DHRSX: variants seen among roughly 807,000 people sequenced by gnomAD.
DHRSX encodes the protein polyprenol dehydrogenase.
A neutral mutation model predicts 34.0 loss-of-function variants in DHRSX; 31 were observed. That is an observed-to-expected ratio of 0.91 (90% CI 0.69 to 1.23). The LOEUF is 1.23. Among genes scored for constraint, DHRSX ranks in the 50% most tolerant of loss-of-function variants. The pLI is 0.00. For synonymous variants in DHRSX, 201 were observed against 183.8 expected, an observed-to-expected ratio of 1.09 and a Z score of -0.76; for missense variants, 414 against 428.1, an observed-to-expected ratio of 0.97 and a Z score of 0.29.
chrX:2,283,067 A>T (rs1347689278), intron 4 of DHRSX, among the ~76,000 whole-genome samples: 1 of 151,478 alleles, frequency 6.6e-6, no homozygotes, highest in East Asian at 1.9e-4. Context: ...TTACAGAAAG[A>T]GAGAGAGAGA....
At chrX:2,414,581 T>C (rs1189801596) in intron 2 of DHRSX, among the ~76,000 whole-genome samples, 1 of 150,972 alleles carries the variant, frequency 6.6e-6, no homozygotes, top group South Asian at 2.1e-4. Flanking sequence ...TCCAACTAGA[T>C]CTCCTCATGA....
chrX:2,485,721 A>G (rs2044883853), intron 1 of DHRSX, among the ~76,000 whole-genome samples: 1 of 76,380 alleles, frequency 1.3e-5, no homozygotes, highest in African/African-American at 6.2e-5. Context: ...GAACGGAGAG[A>G]AGGAAGGGAG....
At chrX:2,390,480 A>G (rs187413750) in intron 3 of DHRSX, among the ~76,000 whole-genome samples, 1 of 152,174 alleles carries the variant, frequency 6.6e-6, no homozygotes, top group East Asian at 1.9e-4. Flanking sequence ...AAAAATACAC[A>G]TCACATAAAG....
chrX:2,223,758 T>C (rs1448867487), intron 6 of DHRSX, among the ~76,000 whole-genome samples: 1 of 152,224 alleles, frequency 6.6e-6, no homozygotes, highest in African/African-American at 2.4e-5. Flanking sequence ...GGCTGTGTTC[T>C]GCCCAATTTC....
At chrX:2,256,586 A>G (rs1439135407) in intron 5 of DHRSX, among the ~76,000 whole-genome samples, 4 of 152,130 alleles carry the variant, frequency 2.6e-5, no homozygotes, top group African/African-American at 9.7e-5. Flanking sequence ...TTATTTCACC[A>G]TGGGGATGAT....
At chrX:2,285,537 T>C (rs2041794188) in intron 4 of DHRSX, among the ~76,000 whole-genome samples, 1 of 151,892 alleles carries the variant, frequency 6.6e-6, no homozygotes. Flanking sequence ...GGAGTGGCTG[T>C]AAATACAGAT....
chrX:2,394,841 G>T (rs2043389273), intron 3 of DHRSX, among the ~76,000 whole-genome samples: 1 of 151,800 alleles, frequency 6.6e-6, no homozygotes, highest in African/African-American at 2.4e-5. Context: ...ACTCCAGCCT[G>T]GGCAACACAG....
intron 3 of DHRSX, among the ~76,000 whole-genome samples, chrX:2,356,364 G>C (rs745896668): frequency 7.2e-5 from 11 of 152,260 alleles, no homozygotes; most frequent in Non-Finnish European, 1.3e-4. Flanking sequence ...GACAAAGCAA[G>C]ACTCTGTCTC....
At chrX:2,438,734 C>A (rs1428535694) in intron 1 of DHRSX, among the ~76,000 whole-genome samples, 3 of 151,338 alleles carry the variant, frequency 2.0e-5, no homozygotes, top group Non-Finnish European at 4.4e-5. Context: ...TACTGGACTG[C>A]AGAGGAGAGG....
chrX:2,458,520 C>T (rs1309489617), intron 1 of DHRSX, among the ~76,000 whole-genome samples: 1 of 152,146 alleles, frequency 6.6e-6, no homozygotes, highest in African/African-American at 2.4e-5. Context: ...GAAATCCTAC[C>T]ATTTGCAGCA....
intron 1 of DHRSX, among the ~76,000 whole-genome samples, chrX:2,465,722 T>C (rs2044482278): frequency 6.6e-6 from 1 of 150,486 alleles, no homozygotes; most frequent in African/African-American, 2.5e-5. Flanking sequence ...GGCAGGAGAA[T>C]TGCTTGAACC....
chrX:2,235,122 A>C (rs1429670052), intron 6 of DHRSX, among the ~76,000 whole-genome samples: 2 of 152,186 alleles, frequency 1.3e-5, no homozygotes, highest in African/African-American at 4.8e-5. Context: ...ATTTTAATGG[A>C]AACAGAGCTT....
intron 3 of DHRSX, among the ~76,000 whole-genome samples, chrX:2,339,661 T>C (rs928108247): frequency 1.3e-5 from 2 of 152,092 alleles, no homozygotes; most frequent in Non-Finnish European, 2.9e-5. Flanking sequence ...ATTCCTGAGT[T>C]ACTTCACTTA....
At chrX:2,469,873 G>A (rs1294646834) in intron 1 of DHRSX, among the ~76,000 whole-genome samples, 2 of 152,174 alleles carry the variant, frequency 1.3e-5, no homozygotes, top group Admixed American at 6.6e-5. Context: ...AAAGAATGGT[G>A]TGCAGGATCC....
At position 2,442,263 on chromosome X, in the gene DHRSX, T is replaced by C. The variant is rs750339918; in HGVS notation, c.110-16959A>G. Among the ~76,000 whole-genome samples, 3 of 150,418 alleles carry C rather than the reference T, an allele frequency of 2.0e-5. No individual in the cohort carries two copies. The South Asian group carries it at 6.3e-4, about 32-fold the overall frequency. On this transcript the variant is annotated intron_variant, in intron 1 of 6. Transcript: ENST00000334651. ...GTCTCCATCCTCATCGTCTCCATGC[T>C]GAAGAAGCTGAGGAGGAGGAGGAGG... is the stretch of plus-strand genomic sequence containing the variant.
chrX:2,298,626 A>ACACG (rs2041971402), intron 3 of DHRSX, among the ~76,000 whole-genome samples: 8 of 97,326 alleles, frequency 8.2e-5, no homozygotes, highest in African/African-American at 2.4e-4. Flanking sequence ...ACACACACAC[A>ACACG]CACACACACA....
Position 2,243,785 on chromosome X carries a change from CCTGTTTTTTTT to C in DHRSX, c.597-566_597-556del, listed in dbSNP as rs1307569160. On this transcript the variant is annotated intron_variant, in intron 5 of 6. Transcript: ENST00000334651. ...ATTACAGGCAGGAGCCACTATGCTCCCTGTTTTTTTTTTTTTTTTTTTTTTTTTTTTTTTTT... is the reference window on the plus strand; with the variant it reads ...ATTACAGGCAGGAGCCACTATGCTCCTTTTTTTTTTTTTTTTTTTTTTTTT... Among the ~76,000 whole-genome samples the C allele has an allele frequency of 8.2e-3, 587 of 71,510 alleles. 31 individuals carry two copies. Among genetic ancestry groups the C allele is most frequent in the Middle Eastern group, 0.034 (3 of 88 alleles). The allele number at this position is 71,510 out of a possible 152,430, so 46.9% of individuals were successfully genotyped here.
chrX:2,497,111 G>A (rs2045304912), intron 1 of DHRSX, among the ~76,000 whole-genome samples: 1 of 152,056 alleles, frequency 6.6e-6, no homozygotes, highest in South Asian at 2.1e-4. Context: ...TCAAGGAATT[G>A]GAGGCCGGGG....
At chrX:2,284,124 A>G (rs1330179294) in intron 4 of DHRSX, among the ~76,000 whole-genome samples, 5 of 152,094 alleles carry the variant, frequency 3.3e-5, no homozygotes, top group Admixed American at 1.3e-4. Flanking sequence ...ATTCATTCAG[A>G]TTCACTCATT....
Sources: gnomAD v4.1 joint callset for allele counts (sites outside exome capture counted in the v4.1 genomes callset) on GRCh38, gnomAD v4.1.1 for gene constraint, MANE v1.5 for transcripts, NCBI Gene and HGNC (gene_info 2026-07-23, HGNC 2026-07-21) for gene names.